LOC112694756: variants seen among roughly 807,000 people sequenced by gnomAD.
At chr16:30,069,221 A>C in the LOC112694756 span, 1 of 1,483,498 alleles carries the variant, frequency 6.7e-7, no homozygotes, top group Non-Finnish European at 9.4e-7. Context: ...TCATCAAGAT[A>C]CGGTCTTGAC....
At chr16:30,056,635 C>T in the LOC112694756 span, among the ~76,000 whole-genome samples, 2 of 152,112 alleles carry the variant, frequency 1.3e-5, no homozygotes, top group African/African-American at 4.8e-5. Context: ...CGATCTTGCT[C>T]TGTCACCCAG....
the LOC112694756 span, among the ~76,000 whole-genome samples, chr16:30,059,632 G>A: frequency 2.0e-5 from 3 of 150,236 alleles, no homozygotes; most frequent in East Asian, 2.0e-4. Context: ...GCGTAATCTC[G>A]GCTCACTGCA....
the LOC112694756 span, among the ~76,000 whole-genome samples, chr16:30,063,368 A>G: frequency 6.6e-6 from 1 of 152,040 alleles, no homozygotes; most frequent in South Asian, 2.1e-4. Context: ...TACTGCCTCA[A>G]CTGCACAGAC....
the LOC112694756 span, chr16:30,055,285 G>T: frequency 2.5e-6 from 1 of 399,204 alleles, no homozygotes; most frequent in Middle Eastern, 6.3e-4. Flanking sequence ...TGCCTAGCCC[G>T]GCCCACTTCC....
the LOC112694756 span, chr16:30,070,152 G>A: frequency 6.8e-6 from 11 of 1,613,962 alleles, no homozygotes; most frequent in African/African-American, 5.3e-5. Context: ...AGTACACTCC[G>A]AGCGGTCAGG....
At chr16:30,066,864 CCGGTT>C in the LOC112694756 span, 6 of 1,544,918 alleles carry the variant, frequency 3.9e-6, no homozygotes, top group Non-Finnish European at 5.2e-6. Context: ...CTAAAATACT[CCGGTT>C]CGGTTTTGTT....
chr16:30,069,001 G>A, the LOC112694756 span: 1 of 1,614,120 alleles, frequency 6.2e-7, no homozygotes, highest in Non-Finnish European at 8.5e-7. Flanking sequence ...GTCCTCAATA[G>A]GCAACCTCCT....
the LOC112694756 span, chr16:30,055,235 G>GGTT: frequency 2.5e-6 from 1 of 399,532 alleles, no homozygotes; most frequent in Non-Finnish European, 4.4e-6. Context: ...CGGGCCCCCA[G>GGTT]ACTGCTGCTG....
chr16:30,056,911 C>CTTT, the LOC112694756 span, among the ~76,000 whole-genome samples: 3 of 137,592 alleles, frequency 2.2e-5, no homozygotes, highest in African/African-American at 2.7e-5. Context: ...TCTACTTGCC[C>CTTT]TTTTTTTTTT....
the LOC112694756 span, among the ~76,000 whole-genome samples, chr16:30,062,276 G>A: frequency 2.0e-5 from 3 of 152,226 alleles, no homozygotes; most frequent in Non-Finnish European, 4.4e-5. Context: ...GCGCATGCCT[G>A]TAATCCCAGC....
the LOC112694756 span, chr16:30,069,053 C>T: frequency 1.4e-5 from 23 of 1,596,914 alleles, no homozygotes; most frequent in African/African-American, 3.0e-4. Context: ...CTATTACCTG[C>T]CATGATGCCT....
chr16:30,056,158 A>G, the LOC112694756 span, among the ~76,000 whole-genome samples: 4 of 129,394 alleles, frequency 3.1e-5, no homozygotes, highest in African/African-American at 1.2e-4. Flanking sequence ...TGCCTAGGCT[A>G]GAGTACAGTG....
chr16:30,067,392 G>A, the LOC112694756 span: 3 of 1,614,070 alleles, frequency 1.9e-6, no homozygotes, highest in Non-Finnish European at 2.5e-6. Flanking sequence ...AGAATGGGTG[G>A]AGGGTGCAGG....
the LOC112694756 span, among the ~76,000 whole-genome samples, chr16:30,057,386 C>T: frequency 2.6e-5 from 4 of 152,144 alleles, no homozygotes; most frequent in African/African-American, 9.7e-5. Context: ...AGCTCCACAG[C>T]GTTAGCTGAG....
At chr16:30,059,526 C>A in the LOC112694756 span, among the ~76,000 whole-genome samples, 1 of 150,160 alleles carries the variant, frequency 6.7e-6, no homozygotes, top group African/African-American at 2.5e-5. Flanking sequence ...ATAATAATAT[C>A]TCTCTTTCTT....
At chr16:30,058,412 A>G in the LOC112694756 span, among the ~76,000 whole-genome samples, 1 of 151,980 alleles carries the variant, frequency 6.6e-6, no homozygotes, top group Non-Finnish European at 1.5e-5. Context: ...GATCAGCTGG[A>G]ATAGAAACCC....
the LOC112694756 span, among the ~76,000 whole-genome samples, chr16:30,066,598 C>T: frequency 1.3e-5 from 2 of 152,292 alleles, no homozygotes; most frequent in African/African-American, 4.8e-5. Flanking sequence ...TCCTAATGCC[C>T]CTTTCCTACC....
At chr16:30,067,129 GAGGT>G in the LOC112694756 span, 1 of 1,580,412 alleles carries the variant, frequency 6.3e-7, no homozygotes, top group Non-Finnish European at 8.6e-7. Context: ...TGGGGCAGGG[GAGGT>G]AGGGAACATT....
chr16:30,063,651 C>G, the LOC112694756 span: 5 of 398,792 alleles, frequency 1.3e-5, no homozygotes, highest in Non-Finnish European at 2.2e-5. Context: ...TCCCAGGCCT[C>G]TCTGTTCCCT....
Sources: allele counts gnomAD v4.1 joint callset (sites outside exome capture counted in the v4.1 genomes callset), GRCh38; gene constraint gnomAD v4.1.1; transcripts MANE v1.5.